ATG7: variants seen among roughly 807,000 people sequenced by gnomAD.
ATG7 encodes the protein ubiquitin-like modifier-activating enzyme ATG7.
In ATG7, 70 loss-of-function variants were observed where a neutral mutation model predicts 82.4. That is an observed-to-expected ratio of 0.85 (90% CI 0.70 to 1.04). The LOEUF is 1.04. Among genes scored for constraint, ATG7 ranks in the 50% least tolerant of loss-of-function variants. The probability of loss-of-function intolerance (pLI) is 0.00; values close to 1 mark genes in which losing one functional copy is unlikely to be tolerated. For missense variants in ATG7, 792 were observed against 864.3 expected (o/e 0.92, Z 1.05); for synonymous variants, 287 against 313.0 (o/e 0.92, Z 0.88).
At chr3:11,573,320 A>AAGGAAGGAAGG in the ATG7 span, among the ~76,000 whole-genome samples, 1 of 27,386 alleles carries the variant, frequency 3.7e-5, no homozygotes, top group African/African-American at 1.6e-4. Context: ...AGGAAGGAAG[A>AAGGAAGGAAGG]AAGAAAGAAA....
In ATG7 at chr3:11,443,634, G is replaced by T. The variant is rs948414930; in HGVS notation, c.2079+16708G>T. Among the ~76,000 whole-genome samples, 18 of 152,252 alleles carry T rather than the reference G, an allele frequency of 1.2e-4. No individual in the cohort carries two copies. The East Asian group carries it at 3.3e-3, about 28-fold the overall frequency. ...ACTCCTGGGCTCAAATGATCCACCTGCCTCAGCCTCCCAAAGTGTTGGGAT... is the reference window on the plus strand; with the variant it reads ...ACTCCTGGGCTCAAATGATCCACCTTCCTCAGCCTCCCAAAGTGTTGGGAT... On this transcript the variant is annotated intron_variant, in intron 20 of 20. Coordinates refer to ENST00000693202, the MANE Select transcript of ATG7 (RefSeq NM_001349232.2).
chr3:11,563,899 A>C, the ATG7 span, among the ~76,000 whole-genome samples: 3 of 152,026 alleles, frequency 2.0e-5, no homozygotes, highest in Admixed American at 1.3e-4. Context: ...TACCCCACCC[A>C]CAGTTTCAAC....
intron 9 of ATG7, among the ~76,000 whole-genome samples, chr3:11,325,072 C>T (rs182380525): frequency 2.6e-5 from 4 of 152,222 alleles, no homozygotes; most frequent in African/African-American, 9.6e-5. Flanking sequence ...AGTATGGTCA[C>T]ATGCTCTCCA....
intron 3 of ATG7, among the ~76,000 whole-genome samples, chr3:11,282,817 T>C (rs1310960947): frequency 6.6e-6 from 1 of 152,224 alleles, no homozygotes. Context: ...GTCTATAAAA[T>C]GTGCATTGGC....
chr3:11,438,241 A>G (rs2083542923), intron 20 of ATG7, among the ~76,000 whole-genome samples: 1 of 152,178 alleles, frequency 6.6e-6, no homozygotes, highest in Non-Finnish European at 1.5e-5. Context: ...CTGAGAGCCA[A>G]CCAGCCCTGA....
intron 7 of ATG7, 103 bp from the exon 8 acceptor site, chr3:11,313,201 A>T: frequency 4.6e-6 from 3 of 651,460 alleles, no homozygotes; most frequent in Non-Finnish European, 7.6e-6. Context: ...TTGTTTGCAT[A>T]GCTTTGCTAT....
intron 18 of ATG7, among the ~76,000 whole-genome samples, chr3:11,378,685 C>CAAAAAAAAAAAAAAAAAAAAAAAAAA (rs368506515): frequency 2.5e-5 from 2 of 78,936 alleles, no homozygotes; most frequent in Admixed American, 1.6e-4. Context: ...ACTCCATCTC[C>CAAAAAAAAAAAAAAAAAAAAAAAAAA]AAAAAAAAAA....
chr3:11,569,866 G>A, the ATG7 span, among the ~76,000 whole-genome samples: 2 of 152,310 alleles, frequency 1.3e-5, no homozygotes, highest in East Asian at 3.9e-4. Context: ...GGGTGACAGA[G>A]CAAGACCCTG....
At chr3:11,552,598 C>G (rs893621803) in intron 20 of ATG7, among the ~76,000 whole-genome samples, 1 of 152,146 alleles carries the variant, frequency 6.6e-6, no homozygotes, top group Non-Finnish European at 1.5e-5. Flanking sequence ...GCCAATGGGA[C>G]GAAGCCAGTG....
intron 19 of ATG7, among the ~76,000 whole-genome samples, chr3:11,411,741 AT>A (rs529125575): frequency 1.4e-4 from 20 of 146,972 alleles, no homozygotes; most frequent in African/African-American, 4.8e-4. Flanking sequence ...AATTCAGTCT[AT>A]TTTTTTTGTT....
At chr3:11,573,369 AAG>A in the ATG7 span, among the ~76,000 whole-genome samples, 1 of 144,258 alleles carries the variant, frequency 6.9e-6, no homozygotes, top group Non-Finnish European at 1.5e-5. Context: ...GAAAGAAAGA[AAG>A]AAAGAAAGAA....
intron 17 of ATG7, among the ~76,000 whole-genome samples, chr3:11,363,292 G>T (rs1430549173): frequency 5.9e-5 from 9 of 151,582 alleles, no homozygotes; most frequent in Non-Finnish European, 1.5e-5. Flanking sequence ...GCCCAGGCTG[G>T]AGTGTAATGG....
intron 19 of ATG7, among the ~76,000 whole-genome samples, chr3:11,392,270 A>G (rs2078873953): frequency 6.6e-6 from 1 of 152,090 alleles, no homozygotes; most frequent in Non-Finnish European, 1.5e-5. Context: ...TTTAAGAAAC[A>G]TTTGGAGGGC....
intron 19 of ATG7, among the ~76,000 whole-genome samples, chr3:11,389,678 C>A (rs1164204290): frequency 6.6e-6 from 1 of 152,096 alleles, no homozygotes; most frequent in Non-Finnish European, 1.5e-5. Context: ...TGACAGTACA[C>A]AAGGGTGTAT....
chr3:11,550,690 T>G (rs1452378870), intron 20 of ATG7, among the ~76,000 whole-genome samples: 1 of 152,116 alleles, frequency 6.6e-6, no homozygotes, highest in Non-Finnish European at 1.5e-5. Flanking sequence ...GCCTGGCCTC[T>G]CTTCTTGATT....
Position 11,313,431 on chromosome 3 carries a change from A to G in ATG7, c.528+11A>G, listed in dbSNP as rs1382938358. The stretch of plus-strand genomic sequence containing the variant: ...TTTTCACTAAAACAGGTATCAACAA[A>G]TAACCAAAATGCACATAAAATTGGG... On this transcript the variant is annotated intron_variant, in intron 8 of 20. Transcript: ENST00000693202. The G allele has an allele frequency of 6.4e-7, 1 of 1,570,684 alleles. No homozygotes were observed. Among genetic ancestry groups the G allele is most frequent in the East Asian group, 2.3e-5 (1 of 44,396 alleles).
chr3:11,564,919 G>T, the ATG7 span: 2 of 1,597,916 alleles, frequency 1.3e-6, no homozygotes, highest in Non-Finnish European at 1.7e-6. Context: ...GTGTACAGGT[G>T]GCTGCCGTGC....
chr3:11,302,100 T>A (rs1946875091), intron 5 of ATG7, among the ~76,000 whole-genome samples: 1 of 152,210 alleles, frequency 6.6e-6, no homozygotes, highest in Non-Finnish European at 1.5e-5. Context: ...GGCACTGTGG[T>A]AGACAGTGGG....
intron 20 of ATG7, among the ~76,000 whole-genome samples, chr3:11,525,944 C>T (rs1019425941): frequency 6.6e-6 from 1 of 152,152 alleles, no homozygotes; most frequent in East Asian, 1.9e-4. Context: ...CTCTACCTCT[C>T]TCACAGGATT....
Sources: allele counts gnomAD v4.1 joint callset (sites outside exome capture counted in the v4.1 genomes callset), GRCh38; gene constraint gnomAD v4.1.1; transcripts MANE v1.5; gene names NCBI Gene and HGNC (gene_info 2026-07-23, HGNC 2026-07-21).